LRPPRC: variants seen among roughly 807,000 people sequenced by gnomAD.
LRPPRC encodes leucine-rich PPR motif-containing protein, mitochondrial.
LRPPRC carries 120 observed loss-of-function variants against 180.3 expected under a neutral mutation model. The observed-to-expected ratio is 0.67, with a 90% confidence interval of 0.57 to 0.77. The LOEUF (loss-of-function observed/expected upper bound fraction) is 0.77. LRPPRC is among the 30% of genes least tolerant of loss of function. The probability of loss-of-function intolerance (pLI) is 0.00; values close to 1 mark genes in which losing one functional copy is unlikely to be tolerated. For missense variants in LRPPRC, 2,012 were observed against 1,657.2 expected (o/e 1.21, Z -3.72); for synonymous variants, 723 against 600.0 (o/e 1.21, Z -3.00).
chr2:43,925,596 G>T (rs1166794014), intron 26 of LRPPRC, among the ~76,000 whole-genome samples: 1 of 152,142 alleles, frequency 6.6e-6, no homozygotes, highest in East Asian at 1.9e-4. Context: ...GCTCTGGGAA[G>T]CAACTCCTTC....
chr2:43,962,535 T>C (rs1222910251), intron 12 of LRPPRC, among the ~76,000 whole-genome samples: 1 of 152,200 alleles, frequency 6.6e-6, no homozygotes, highest in Non-Finnish European at 1.5e-5. Context: ...CACAGCACTT[T>C]TTGTTTTGTT....
chr2:43,934,365 G>A (rs1488444476), intron 24 of LRPPRC, 69 bp from the exon 25 acceptor site: 2 of 731,712 alleles, frequency 2.7e-6, no homozygotes, highest in Non-Finnish European at 4.7e-6. Context: ...ATCATATGAA[G>A]TTCCAGACAA....
rs778396914 is a variant in LRPPRC at position 43,899,478 on chromosome 2, C to G, written c.3697G>C (p.Ala1233Pro). The change falls in exon 33 of 38, where the codon GCA becomes CCA. Residue 1233 changes from alanine to proline, a missense_variant. Ala to Pro is a conservative substitution (Grantham distance 27). Coordinates refer to ENST00000260665, the MANE Select transcript of LRPPRC (RefSeq NM_133259.4). ...ACAACTAACTTACTCTTTTCAACTG[C>G]TGGTTCCAACTGCTCCTCTATTACT... Reference protein sequence around the residue: ...RKVIEEQLEPAVEKISIMAER... With the variant: ...RKVIEEQLEPPVEKISIMAER... 1 of 1,614,168 alleles carries G rather than the reference C, an allele frequency of 6.2e-7. No individual in the cohort carries two copies. Among genetic ancestry groups the G allele is most frequent in the Non-Finnish European group, 8.5e-7 (1 of 1,180,022 alleles).
In LRPPRC at chr2:43,946,218, T is replaced by C. The variant is rs770170626; in HGVS notation, c.2105A>G (p.Lys702Arg). ...EENMQKALEL[K>R]AKYESDMVTG... is the part of the protein sequence containing the mutation. ...AACCATGTCGGATTCATATTTTGCTTTCAATTCAAGGGCTTTTTGCATATT... is the reference window on the plus strand; with the variant it reads ...AACCATGTCGGATTCATATTTTGCTCTCAATTCAAGGGCTTTTTGCATATT... Residue 702 changes from lysine (K) to arginine (R), a missense_variant, in exon 21 of 38, where the codon AAA becomes AGA. Transcript: ENST00000260665. 1 of 1,611,970 alleles carries C rather than the reference T, an allele frequency of 6.2e-7. No individual in the cohort carries two copies. Among genetic ancestry groups the C allele is most frequent in the Admixed American group, 1.7e-5 (1 of 59,978 alleles).
chr2:43,994,212 G>A (rs148296173), intron 1 of LRPPRC, among the ~76,000 whole-genome samples: 18 of 152,270 alleles, frequency 1.2e-4, no homozygotes, highest in East Asian at 1.9e-4. Context: ...GCATGATTTC[G>A]GAAAGTTAAC....
At chr2:43,895,813 G>C (rs554162786) in intron 35 of LRPPRC, among the ~76,000 whole-genome samples, 3 of 152,206 alleles carry the variant, frequency 2.0e-5, no homozygotes, top group Admixed American at 6.5e-5. Context: ...TAAGAATGTA[G>C]TTTCTCGTAT....
intron 31 of LRPPRC, chr2:43,902,686 G>T (rs1377800136): frequency 2.6e-5 from 4 of 151,958 alleles, no homozygotes; most frequent in South Asian, 4.2e-4. Flanking sequence ...GCACATATAG[G>T]AAACAAAAAA....
rs1183426387 is a variant in LRPPRC, at chr2:43,899,323, C to T, written c.3721G>A (p.Ala1241Thr). The change falls in exon 34 of 38, where the codon GCG (alanine) becomes ACG (threonine). Residue 1241 changes from alanine (A) to threonine (T), a missense_variant. Coordinates refer to ENST00000260665, the MANE Select transcript of LRPPRC (RefSeq NM_133259.4). Reference sequence around the variant, plus strand: ...GCAAACTGATTGGCCAATCTCTCCGCCATGATGCTTACTGGAAAAATGACA... The same window carrying T: ...GCAAACTGATTGGCCAATCTCTCCGTCATGATGCTTACTGGAAAAATGACA... ...EPAVEKISIM[A>T]ERLANQFAIY... is the part of the protein sequence containing the mutation. The T allele has an allele frequency of 2.5e-6, 4 of 1,613,504 alleles. No homozygotes were observed. Among genetic ancestry groups the T allele is most frequent in the Admixed American group, 1.7e-5 (1 of 60,004 alleles).
chr2:43,917,652 G>T (rs917850620), intron 29 of LRPPRC, among the ~76,000 whole-genome samples: 10 of 152,014 alleles, frequency 6.6e-5, no homozygotes, highest in Admixed American at 5.9e-4. Context: ...AGCCAGGCGT[G>T]GGGGCGGACA....
chr2:43,995,324 C>G (rs1488179591), intron 1 of LRPPRC, among the ~76,000 whole-genome samples: 1 of 152,212 alleles, frequency 6.6e-6, no homozygotes, highest in Admixed American at 6.5e-5. Flanking sequence ...TCATCCGTGG[C>G]TCACCCAAAC....
At position 43,957,368 on chromosome 2, in the gene LRPPRC, T is replaced by G. The variant is rs1673161358; in HGVS notation, c.1649+17A>C. 6.3e-7 allele frequency: 1 copy of G among 1,585,792 alleles called. No individual in the cohort carries two copies. The highest frequency in any genetic ancestry group is 1.7e-5 in the Admixed American group (1 of 59,960). ...AGTCCATGTTCAGGCAAGGAACATT[T>G]AAGTTGATCATCTTACCTCCTGAAG... is the stretch of plus-strand genomic sequence containing the variant. On this transcript the variant is annotated intron_variant, in intron 14 of 37. Coordinates refer to ENST00000260665, the MANE Select transcript of LRPPRC (RefSeq NM_133259.4).
At chr2:43,978,400 T>C (rs376227190) in intron 3 of LRPPRC, among the ~76,000 whole-genome samples, 1 of 152,190 alleles carries the variant, frequency 6.6e-6, no homozygotes, top group African/African-American at 2.4e-5. Context: ...CAGACACTTA[T>C]ACAGGAGAGA....
chr2:43,994,408 C>A lies in LRPPRC; in HGVS notation c.149+1391G>T, dbSNP rs548948632. 3.3e-5 allele frequency among the ~76,000 whole-genome samples: 5 copies of A among 152,318 alleles called. No homozygotes were observed. In the South Asian group the frequency reaches 1.0e-3, roughly 32 times the overall value. ...GTAGATATTATGACTCCTGTAGTAA[C>A]CAACAAAGCACTTACTAGGCATCAG... On this transcript the variant is annotated intron_variant, in intron 1 of 37. Transcript: ENST00000260665.
At chr2:43,898,094 GA>G (rs1464927151) in intron 34 of LRPPRC, among the ~76,000 whole-genome samples, 6 of 122,650 alleles carry the variant, frequency 4.9e-5, no homozygotes, top group African/African-American at 9.8e-5. Context: ...AAAAACAAAG[GA>G]AAAAAAGTAA....
intron 36 of LRPPRC, among the ~76,000 whole-genome samples, chr2:43,891,245 C>T (rs1218878537): frequency 6.6e-6 from 1 of 152,228 alleles, no homozygotes; most frequent in Non-Finnish European, 1.5e-5. Context: ...TCTTGATTTT[C>T]TACCTTCCTC....
intron 34 of LRPPRC, among the ~76,000 whole-genome samples, chr2:43,897,845 T>C (rs1670739769): frequency 6.6e-6 from 1 of 152,202 alleles, no homozygotes; most frequent in African/African-American, 2.4e-5. Flanking sequence ...CAAGTGCCAC[T>C]TTCTAAAGAA....
intron 2 of LRPPRC, among the ~76,000 whole-genome samples, chr2:43,980,381 C>G (rs1674248683): frequency 6.6e-6 from 1 of 151,982 alleles, no homozygotes; most frequent in African/African-American, 2.4e-5. Flanking sequence ...TGGAGAAACC[C>G]TGTCTCTACT....
Position 43,918,366 on chromosome 2 carries a change from C to T in LRPPRC, c.2929G>A (p.Val977Ile), listed in dbSNP as rs778888090. 5.0e-6 allele frequency: 8 copies of T among 1,610,866 alleles called. No homozygotes were observed. The South Asian group carries it at 7.7e-5, about 15-fold the overall frequency. Residue 977 changes from valine (V) to isoleucine (I), a missense_variant, in exon 28 of 38, where the codon GTC becomes ATC. By Grantham distance (29) the Val-to-Ile change is conservative. Transcript: ENST00000260665. ...INGDWQRADA[V>I]WNKIQEENVI... ...TTTTCTTCTTGGATTTTATTCCAGACTGCATCAGCTCTTTGCCAGTCACCG... is the reference window on the plus strand; with the variant it reads ...TTTTCTTCTTGGATTTTATTCCAGATTGCATCAGCTCTTTGCCAGTCACCG...
chr2:43,959,119 G>C (rs1258963301), intron 13 of LRPPRC: 1 of 683,616 alleles, frequency 1.5e-6, no homozygotes, highest in South Asian at 1.6e-5. Flanking sequence ...AAGTGGAATG[G>C]ATGATATGAT....
Sources: gnomAD v4.1 joint callset for allele counts (sites outside exome capture counted in the v4.1 genomes callset) on GRCh38, gnomAD v4.1.1 for gene constraint, MANE v1.5 for transcripts, NCBI Gene and HGNC (gene_info 2026-07-23, HGNC 2026-07-21) for gene names.